Variants in OSCP1 observed in about 807,000 individuals in gnomAD.
OSCP1 encodes the protein protein OSCP1.
Under a neutral mutation model 45.1 loss-of-function variants are expected in OSCP1, and 35 were observed. The ratio of observed to expected loss-of-function variants is 0.78; its 90% CI spans 0.59 to 1.03. The LOEUF (loss-of-function observed/expected upper bound fraction) is 1.03, where lower values mean the gene tolerates loss of function less well. Among genes scored for constraint, OSCP1 ranks in the 50% least tolerant of loss-of-function variants. OSCP1 has a pLI of 0.00. For synonymous variants in OSCP1, 179 were observed against 180.1 expected (o/e 0.99, Z 0.05); for missense variants, 400 against 470.7 (o/e 0.85, Z 1.39).
chr1:36,423,382 C>G lies in OSCP1; in HGVS notation c.601G>C (p.Glu201Gln). 3 of 1,611,678 alleles carry G rather than the reference C, an allele frequency of 1.9e-6. No homozygotes were observed. Among genetic ancestry groups the G allele is most frequent in the Non-Finnish European group, 2.5e-6 (3 of 1,177,788 alleles). ...PVSGPVPWGTEVPGLIRMFNN... is the reference protein window; with the variant it reads ...PVSGPVPWGTQVPGLIRMFNN... The stretch of plus-strand genomic sequence containing the variant: ...ATTCACCTGATGAGTCCTGGAACTT[C>G]AGTTCCCCAAGGAACAGGCCCGGAC... The change falls in exon 5 of 10, where the codon GAA becomes CAA. Residue 201 changes from glutamate (E) to glutamine (Q), a missense_variant. Coordinates refer to ENST00000235532, the MANE Select transcript of OSCP1 (RefSeq NM_145047.5).
chr1:36,427,899 A>C (rs1484094688), intron 4 of OSCP1, among the ~76,000 whole-genome samples: 1 of 152,168 alleles, frequency 6.6e-6, no homozygotes, highest in Non-Finnish European at 1.5e-5. Context: ...ATGAGAGTTA[A>C]AAATAAGGCC....
chr1:36,422,256 C>T (rs746808476), intron 6 of OSCP1, 37 bp from the exon 7 acceptor site: 43 of 1,576,734 alleles, frequency 2.7e-5, no homozygotes, highest in Non-Finnish European at 8.7e-7. Flanking sequence ...ATTATCCAGC[C>T]CCTTTCCACG....
chr1:36,430,489 C>T (rs1281760766), intron 4 of OSCP1, among the ~76,000 whole-genome samples: 2 of 151,890 alleles, frequency 1.3e-5, no homozygotes, highest in Non-Finnish European at 2.9e-5. Flanking sequence ...GGAAGGCGTG[C>T]CAGGGCATGG....
At chr1:36,428,423 C>T (rs2124783946) in intron 4 of OSCP1, 1 of 1,614,144 alleles carries the variant, frequency 6.2e-7, no homozygotes, top group Non-Finnish European at 8.5e-7. Flanking sequence ...TCCTGGAAGG[C>T]AACACTGTGC....
At position 36,450,394 on chromosome 1, in the gene OSCP1, T is replaced by C. The variant is rs770702649; in HGVS notation, c.-25A>G. ...TGGTGCTGGAAACGAGCTGGACTGGTGAAGAGCCCCGGGGTTCGGTAGCCA... is the reference window on the plus strand; with the variant it reads ...TGGTGCTGGAAACGAGCTGGACTGGCGAAGAGCCCCGGGGTTCGGTAGCCA... On this transcript the variant is annotated 5_prime_UTR_variant, in exon 1 of 10. Transcript: ENST00000235532. 1.9e-6 allele frequency: 3 copies of C among 1,597,618 alleles called. No homozygotes were observed. The highest frequency in any genetic ancestry group is 2.6e-6 in the Non-Finnish European group (3 of 1,165,700).
intron 7 of OSCP1, 141 bp downstream of exon 7, chr1:36,422,009 G>GT: frequency 1.3e-6 from 1 of 771,994 alleles, no homozygotes; most frequent in East Asian, 2.5e-5. Context: ...CTGTGTACTC[G>GT]TAAGGTGGAA....
chr1:36,430,133 C>T (rs1225401889), intron 4 of OSCP1, among the ~76,000 whole-genome samples: 1 of 152,076 alleles, frequency 6.6e-6, no homozygotes, highest in East Asian at 1.9e-4. Context: ...GCCTTGACCT[C>T]CTGGGCTCAA....
intron 1 of OSCP1, among the ~76,000 whole-genome samples, chr1:36,448,041 A>G (rs1048244895): frequency 6.6e-6 from 1 of 152,260 alleles, no homozygotes; most frequent in Non-Finnish European, 1.5e-5. Flanking sequence ...CTCTTGAAAG[A>G]TACCTATTAC....
intron 6 of OSCP1, 114 bp downstream of exon 6, chr1:36,422,654 C>G: frequency 9.0e-7 from 1 of 1,108,124 alleles, no homozygotes; most frequent in African/African-American, 1.6e-5. Context: ...GGGGAAATTA[C>G]TCCTATTGTC....
intron 1 of OSCP1, 104 bp downstream of exon 1, chr1:36,450,154 G>C (rs1649810958): frequency 1.1e-6 from 1 of 885,714 alleles, no homozygotes; most frequent in Admixed American, 2.0e-5. Flanking sequence ...GGTTATAAGA[G>C]TGAAGTGTGT....
intron 4 of OSCP1, among the ~76,000 whole-genome samples, chr1:36,429,457 C>T (rs192289315): frequency 4.0e-5 from 6 of 151,028 alleles, no homozygotes; most frequent in Non-Finnish European, 8.8e-5. Flanking sequence ...TACCATCTTT[C>T]CCACATCAGT....
chr1:36,429,778 A>C (rs1001228640), intron 4 of OSCP1, among the ~76,000 whole-genome samples: 1 of 150,320 alleles, frequency 6.7e-6, no homozygotes, highest in African/African-American at 2.4e-5. Context: ...TTTTTGAGAC[A>C]GGGTCTCAGC....
At position 36,420,457 on chromosome 1, in the gene OSCP1, A is replaced by C; in HGVS notation, c.959+19T>G. The C allele has an allele frequency of 6.2e-7, 1 of 1,606,190 alleles. No individual in the cohort carries two copies. Among genetic ancestry groups the C allele is most frequent in the Non-Finnish European group, 8.5e-7 (1 of 1,176,496 alleles). ...TTGGGATTTTTATATGTCTTTAACG[A>C]AACAGGTTTAAAACATACTCCTCTT... On this transcript the variant is annotated intron_variant, in intron 8 of 9. Coordinates refer to ENST00000235532, the MANE Select transcript of OSCP1 (RefSeq NM_145047.5).
Position 36,432,598 on chromosome 1 carries a change from C to T in OSCP1, c.268-9G>A. 1 of 1,614,010 alleles carries T rather than the reference C, an allele frequency of 6.2e-7. No homozygotes were observed. Among genetic ancestry groups the T allele is most frequent in the Non-Finnish European group, 8.5e-7 (1 of 1,179,980 alleles). On this transcript the variant is annotated splice_polypyrimidine_tract_variant and intron_variant, in intron 2 of 9. Transcript: ENST00000235532. ...GTCATCAGGTCATAGAGCTGCCAAC[C>T]CACACACAAGCAAAAGAAATGGGAT...
At chr1:36,443,197 C>T (rs1358194076) in intron 1 of OSCP1, among the ~76,000 whole-genome samples, 3 of 152,146 alleles carry the variant, frequency 2.0e-5, no homozygotes, top group Non-Finnish European at 4.4e-5. Flanking sequence ...CTCCTGACCT[C>T]AAGTGATCCT....
chr1:36,431,713 T>C, intron 4 of OSCP1, 89 bp downstream of exon 4: 1 of 1,293,458 alleles, frequency 7.7e-7, no homozygotes, highest in Non-Finnish European at 1.1e-6. Context: ...CTGGGCAAAA[T>C]CTCCGTCCTT....
chr1:36,431,175 A>G (rs1648342322), intron 4 of OSCP1, among the ~76,000 whole-genome samples: 1 of 151,998 alleles, frequency 6.6e-6, no homozygotes, highest in African/African-American at 2.4e-5. Flanking sequence ...AAGGTGGTGG[A>G]GATGTGAGTC....
chr1:36,443,797 T>C (rs1209100085), intron 1 of OSCP1, among the ~76,000 whole-genome samples: 5 of 152,242 alleles, frequency 3.3e-5, no homozygotes, highest in African/African-American at 4.8e-5. Flanking sequence ...AGAGTTTGCT[T>C]AGTTTTCATC....
At chr1:36,428,869 C>T (rs1360411486) in intron 4 of OSCP1, among the ~76,000 whole-genome samples, 2 of 151,946 alleles carry the variant, frequency 1.3e-5, no homozygotes, top group African/African-American at 2.4e-5. Context: ...TGCTTGAACC[C>T]GGGAGGTGGA....
Sources: gnomAD v4.1 joint callset for allele counts (sites outside exome capture counted in the v4.1 genomes callset) on GRCh38, gnomAD v4.1.1 for gene constraint, MANE v1.5 for transcripts, NCBI Gene and HGNC (gene_info 2026-07-23, HGNC 2026-07-21) for gene names.